The following TTI2 variants were observed in gnomAD, a reference collection of about 807,000 sequenced individuals.
TTI2 encodes TELO2-interacting protein 2.
In TTI2, 26 loss-of-function variants were observed where a neutral mutation model predicts 44.9. That is an observed-to-expected ratio of 0.58 (90% CI 0.42 to 0.80). The LOEUF (loss-of-function observed/expected upper bound fraction) is 0.80, where lower values mean the gene tolerates loss of function less well. TTI2 is among the 30% of genes least tolerant of loss of function. The probability of loss-of-function intolerance (pLI) is 0.00; values close to 1 mark genes in which losing one functional copy is unlikely to be tolerated. For synonymous variants in TTI2, 254 were observed against 250.9 expected (o/e 1.01, Z -0.12); for missense variants, 582 against 611.6 (o/e 0.95, Z 0.51).
intron 4 of TTI2, among the ~76,000 whole-genome samples, chr8:33,506,016 C>T (rs1320577158): frequency 6.6e-6 from 1 of 152,194 alleles, no homozygotes; most frequent in Non-Finnish European, 1.5e-5. Flanking sequence ...AACTCCCAAC[C>T]TCAGGTGGTC....
chr8:33,500,154 G>T, intron 7 of TTI2, 174 bp downstream of exon 7: 1 of 670,552 alleles, frequency 1.5e-6, no homozygotes, highest in Non-Finnish European at 2.5e-6. Flanking sequence ...TTTAAAAGAT[G>T]AATAAGAAAA....
chr8:33,503,703 T>A, intron 5 of TTI2, 45 bp downstream of exon 5: 1 of 1,611,144 alleles, frequency 6.2e-7, no homozygotes, highest in Non-Finnish European at 8.5e-7. Context: ...CATAGCAAGA[T>A]CCTGTCTGTA....
intron 7 of TTI2, chr8:33,499,818 C>T (rs1327857254): frequency 5.7e-5 from 9 of 158,644 alleles, no homozygotes; most frequent in Non-Finnish European, 1.1e-4. Flanking sequence ...CTATTATATG[C>T]TGTGGCTTTG....
rs1208414055 is a variant in TTI2 at position 33,512,331 on chromosome 8, G to T, written c.283C>A (p.Pro95Thr). The T allele has an allele frequency of 3.1e-6, 5 of 1,614,004 alleles. No homozygotes were observed. The highest frequency in any genetic ancestry group is 4.2e-6 in the Non-Finnish European group (5 of 1,180,034). Residue 95 changes from proline (P) to threonine (T), a missense_variant, in exon 2 of 8, where the codon CCC becomes ACC. Coordinates refer to ENST00000431156, the MANE Select transcript of TTI2 (RefSeq NM_001102401.4). The stretch of plus-strand genomic sequence containing the variant: ...CCTCCACCTTCCTCCTCCTTGGAGG[G>T]GGCTGCATACTTCTCCAGGGCTTTT... ...VAKALEKYAAPSKEEEGGGDG... is the reference protein window; with the variant it reads ...VAKALEKYAATSKEEEGGGDG...
At position 33,512,043 on chromosome 8, in the gene TTI2, A is replaced by G; in HGVS notation, c.571T>C (p.Phe191Leu). The change falls in exon 2 of 8, where the codon TTC (phenylalanine) becomes CTC (leucine). Residue 191 changes from phenylalanine (F) to leucine (L), a missense_variant. By Grantham distance (22) the Phe-to-Leu change is conservative. Transcript: ENST00000431156. ...TCATCTTCATTTTCTCCATGTAGGAATCCTGCCACAGAACCGCATTCAGTA... is the reference window on the plus strand; with the variant it reads ...TCATCTTCATTTTCTCCATGTAGGAGTCCTGCCACAGAACCGCATTCAGTA... Reference protein sequence around the residue: ...QVTECGSVAGFLHGENEDEKG... With the variant: ...QVTECGSVAGLLHGENEDEKG... 8 of 1,614,146 alleles carry G rather than the reference A, an allele frequency of 5.0e-6. No individual in the cohort carries two copies. Among genetic ancestry groups the G allele is most frequent in the Non-Finnish European group, 5.9e-6 (7 of 1,180,020 alleles).
intron 4 of TTI2, among the ~76,000 whole-genome samples, chr8:33,505,986 T>C (rs755282495): frequency 1.3e-5 from 2 of 152,134 alleles, no homozygotes; most frequent in East Asian, 1.9e-4. Flanking sequence ...GGTTTCTCCA[T>C]GTTGGTCAGG....
At chr8:33,503,379 A>C (rs1408143607) in intron 6 of TTI2, 50 bp downstream of exon 6, 3 of 1,613,600 alleles carry the variant, frequency 1.9e-6, no homozygotes, top group Non-Finnish European at 2.5e-6. Context: ...CATCCAAGCA[A>C]GTTCTCAAGA....
At chr8:33,503,646 G>C in intron 5 of TTI2, 74 bp from the exon 6 acceptor site, 8 of 1,608,694 alleles carry the variant, frequency 5.0e-6, no homozygotes, top group Non-Finnish European at 6.8e-6. Context: ...GGGAGGCTGA[G>C]GTGGGAGGAT....
Position 33,503,745 on chromosome 8 carries a change from C to G in TTI2, c.1115+3G>C. On this transcript the variant is annotated splice_donor_region_variant and intron_variant, in intron 5 of 7. Transcript: ENST00000431156. Reference sequence around the variant, plus strand: ...AATAATAAATAAAAGCCCAGGGCCTCACCTGTTCACGAAAGCCGGCAGGTT... The same window carrying G: ...AATAATAAATAAAAGCCCAGGGCCTGACCTGTTCACGAAAGCCGGCAGGTT... 6.2e-7 allele frequency: 1 copy of G among 1,613,352 alleles called. No homozygotes were observed. Among genetic ancestry groups the G allele is most frequent in the Non-Finnish European group, 8.5e-7 (1 of 1,179,854 alleles).
In TTI2 at chr8:33,503,522, A is replaced by G. The variant is rs772232196; in HGVS notation, c.1166T>C (p.Ile389Thr). Residue 389 changes from isoleucine (I) to threonine (T), a missense_variant, in exon 6 of 8, where the codon ATT (isoleucine) becomes ACT (threonine). Ile to Thr is a moderately conservative substitution (Grantham distance 89). Transcript: ENST00000431156. ...RHLKRLERVI[I>T]GYLEVYDGPE... is the part of the protein sequence containing the mutation. Reference sequence around the variant, plus strand: ...TCCATCATAAACCTCCAGATAACCAATGATGACTCTCTCCAGCCTCTTTAA... The same window carrying G: ...TCCATCATAAACCTCCAGATAACCAGTGATGACTCTCTCCAGCCTCTTTAA... 34 of 1,614,002 alleles carry G rather than the reference A, an allele frequency of 2.1e-5. No homozygotes were observed. The highest frequency in any genetic ancestry group is 2.3e-5 in the Non-Finnish European group (27 of 1,180,040).
At chr8:33,501,654 A>G (rs1217089661) in intron 6 of TTI2, among the ~76,000 whole-genome samples, 1 of 152,218 alleles carries the variant, frequency 6.6e-6, no homozygotes, top group African/African-American at 2.4e-5. Context: ...AAGATAGTAA[A>G]CAAATGCAAC....
At chr8:33,510,406 T>C (rs1285459337) in intron 2 of TTI2, among the ~76,000 whole-genome samples, 2 of 152,216 alleles carry the variant, frequency 1.3e-5, no homozygotes, top group Non-Finnish European at 2.9e-5. Flanking sequence ...AAATAGAGTC[T>C]CACTCTATTG....
rs1394680197 is a variant in TTI2 at position 33,503,330 on chromosome 8, T to C, written c.1259+99A>G. On this transcript the variant is annotated intron_variant, in intron 6 of 7. Transcript: ENST00000431156. ...TGAAAATGGGAGGTATTCAAATACATAGTATACATTTAATACTTTGTACTG... is the reference window on the plus strand; with the variant it reads ...TGAAAATGGGAGGTATTCAAATACACAGTATACATTTAATACTTTGTACTG... 5 of 1,502,112 alleles carry C rather than the reference T, an allele frequency of 3.3e-6. No individual in the cohort carries two copies. The East Asian group carries it at 9.2e-5, about 28-fold the overall frequency. 93.0% of individuals were successfully genotyped at this position (1,502,112 alleles called of 1,614,324 possible).
At chr8:33,503,960 G>A (rs755488695) in intron 4 of TTI2, 25 bp from the exon 5 acceptor site, 31 of 1,610,552 alleles carry the variant, frequency 1.9e-5, no homozygotes. Flanking sequence ...TGGAAGGACG[G>A]TGCATAGTTC....
Position 33,498,826 on chromosome 8 carries a change from A to G in TTI2, c.*347T>C, listed in dbSNP as rs1167189011. The G allele has an allele frequency of 6.5e-6, 4 of 617,784 alleles. No homozygotes were observed. The highest frequency in any genetic ancestry group is 6.1e-5 in the Admixed American group (2 of 32,762). The allele number at this position is 617,784 out of a possible 1,614,324, so 38.3% of individuals were successfully genotyped here. ...TGAAGAAAGCTAAGTTGTGAACAAG[A>G]GTGTTTTTATAGCATATGTGTTGAA... On this transcript the variant is annotated 3_prime_UTR_variant, in exon 8 of 8. Coordinates refer to ENST00000431156, the MANE Select transcript of TTI2 (RefSeq NM_001102401.4).
intron 6 of TTI2, 108 bp from the exon 7 acceptor site, chr8:33,500,598 A>G (rs910430803): frequency 2.9e-6 from 4 of 1,362,910 alleles, no homozygotes; most frequent in Non-Finnish European, 4.0e-6. Context: ...AAATTAAGGA[A>G]CTTAGGTCAA....
chr8:33,498,917 A>G lies in TTI2; in HGVS notation c.*256T>C, dbSNP rs917916433. ...GAATCTGGGATGAGATGACGGATGT[A>G]AATATTTCTAAATTTTAAATGCTAC... On this transcript the variant is annotated 3_prime_UTR_variant, in exon 8 of 8. Transcript: ENST00000431156. The G allele has an allele frequency of 8.7e-6, 5 of 576,852 alleles. No individual in the cohort carries two copies. The African/African-American group carries it at 9.4e-5, about 11-fold the overall frequency. The allele number at this position is 576,852 out of a possible 1,614,324, so 35.7% of individuals were successfully genotyped here.
At chr8:33,509,995 A>C (rs1809466957) in intron 2 of TTI2, 63 bp from the exon 3 acceptor site, 5 of 1,324,414 alleles carry the variant, frequency 3.8e-6, no homozygotes, top group East Asian at 2.4e-5. Context: ...AAAAAAAAAA[A>C]AAAACTACTT....
chr8:33,512,402 G>A lies in TTI2; in HGVS notation c.212C>T (p.Thr71Ile). The change falls in exon 2 of 8, where the codon ACT (threonine) becomes ATT (isoleucine). Residue 71 changes from threonine to isoleucine, a missense_variant. Thr to Ile is a moderately conservative substitution (Grantham distance 89, BLOSUM62 -1). Coordinates refer to ENST00000431156, the MANE Select transcript of TTI2 (RefSeq NM_001102401.4). ...ATEFDRLFEG[T>I]GARLRGMPET... ...CGGCATTCCGCGGAGCCGTGCACCAGTCCCCTCAAATAACCTATCAAATTC... is the reference window on the plus strand; with the variant it reads ...CGGCATTCCGCGGAGCCGTGCACCAATCCCCTCAAATAACCTATCAAATTC... 1 of 1,614,056 alleles carries A rather than the reference G, an allele frequency of 6.2e-7. No homozygotes were observed. Among genetic ancestry groups the A allele is most frequent in the South Asian group, 1.1e-5 (1 of 91,078 alleles).
Sources: allele counts gnomAD v4.1 joint callset (sites outside exome capture counted in the v4.1 genomes callset), GRCh38; gene constraint gnomAD v4.1.1; transcripts MANE v1.5; gene names NCBI Gene and HGNC (gene_info 2026-07-23, HGNC 2026-07-21).